Variants in ATXN2 observed in about 807,000 individuals in gnomAD.
ATXN2 encodes ataxin 2.
A neutral mutation model predicts 138.6 loss-of-function variants in ATXN2; 37 were observed. The ratio of observed to expected loss-of-function variants is 0.27; its 90% CI spans 0.21 to 0.35. The LOEUF is 0.35. Among genes scored for constraint, ATXN2 ranks in the 10% least tolerant of loss-of-function variants. The pLI is 1.00. For missense variants in ATXN2, 1,216 were observed against 1,480.3 expected (o/e 0.82, Z 2.93); for synonymous variants, 549 against 543.7 (o/e 1.01, Z -0.13).
intron 1 of ATXN2, among the ~76,000 whole-genome samples, chr12:111,591,322 C>T (rs1195570732): frequency 6.6e-6 from 1 of 151,930 alleles, no homozygotes; most frequent in Non-Finnish European, 1.5e-5. Context: ...GTATATATTA[C>T]GTTTCTATTT....
chr12:111,512,044 C>T (rs949786062), intron 11 of ATXN2: 2 of 151,762 alleles, frequency 1.3e-5, no homozygotes, highest in African/African-American at 4.8e-5. Flanking sequence ...GATCTTGGCT[C>T]ACTGCAACCT....
At chr12:111,461,548 A>C (rs1049527073) in intron 21 of ATXN2, among the ~76,000 whole-genome samples, 1 of 152,102 alleles carries the variant, frequency 6.6e-6, no homozygotes, top group Non-Finnish European at 1.5e-5. Flanking sequence ...CTTTAAATCA[A>C]TACTAGTAAC....
At chr12:111,475,870 T>C (rs1876779581) in intron 18 of ATXN2, among the ~76,000 whole-genome samples, 1 of 152,252 alleles carries the variant, frequency 6.6e-6, no homozygotes, top group Admixed American at 6.5e-5. Context: ...AAAAAGACAC[T>C]TGTTATATGA....
In ATXN2 at chr12:111,598,949, G is replaced by GGCTGCGGCTGCT. The variant is rs765255405; in HGVS notation, c.85_86insAGCAGCCGCAGC (p.Gln28_Pro29insGlnGlnProGln). ...GCGGACATTGGCAGCCGCGGGCGGC[G>GGCTGCGGCTGCT]GCTGCTGCTGCTGCTGCTGCTGCTG... is the stretch of plus-strand genomic sequence containing the variant. On this transcript the variant is annotated inframe_insertion, in exon 1 of 25. Coordinates refer to ENST00000673436, the MANE Select transcript of ATXN2 (RefSeq NM_001372574.1). This position sits in a 1 kb window ranked among gnomAD's most constrained non-coding sequence, Gnocchi z 4.5. 8 of 1,412,074 alleles carry GGCTGCGGCTGCT rather than the reference G, an allele frequency of 5.7e-6. No individual in the cohort carries two copies. The East Asian group carries it at 2.0e-4, about 36-fold the overall frequency. The allele number at this position is 1,412,074 out of a possible 1,614,324, so 87.5% of individuals were successfully genotyped here.
In ATXN2 at chr12:111,598,986, GC is replaced by G. The variant is rs1885104752; in HGVS notation, c.48del (p.Gln16HisfsTer30). On this transcript the variant is annotated frameshift_variant, in exon 1 of 25. Coordinates refer to ENST00000673436, the MANE Select transcript of ATXN2 (RefSeq NM_001372574.1). LOFTEE classifies it high-confidence loss of function. The surrounding 1 kb of genome is among the most constrained non-coding windows in gnomAD (Gnocchi z 4.5). ...TGCTGCTGCTGCTGCTGTTGCTGCT[GC>G]TGCTGCTGCTGCTGCTGCTGCTGCT... ...QQQQQQQQQQQQQQQQQQQQQ... is the reference protein window; with the variant it reads ...QQQQQQQQQQXQQQQQQQQQQ... 6.8e-7 allele frequency: 1 copy of G among 1,464,794 alleles called. No homozygotes were observed. Among genetic ancestry groups the G allele is most frequent in the Non-Finnish European group, 9.0e-7 (1 of 1,108,000 alleles). 90.7% of individuals were successfully genotyped at this position (1,464,794 alleles called of 1,614,324 possible).
chr12:111,570,869 C>G (rs987125715), intron 1 of ATXN2, among the ~76,000 whole-genome samples: 1 of 152,182 alleles, frequency 6.6e-6, no homozygotes, highest in Non-Finnish European at 1.5e-5. Context: ...AATGAATATA[C>G]AAACTTAATG....
At chr12:111,495,265 G>A (rs971964216) in intron 14 of ATXN2, among the ~76,000 whole-genome samples, 4 of 142,030 alleles carry the variant, frequency 2.8e-5, no homozygotes, top group African/African-American at 1.1e-4. Context: ...CTGAGATAGC[G>A]CCATTGCCCT....
At chr12:111,477,340 C>T (rs947043367) in intron 18 of ATXN2, among the ~76,000 whole-genome samples, 1 of 151,524 alleles carries the variant, frequency 6.6e-6, no homozygotes, top group South Asian at 2.1e-4. Context: ...GTAACAAGAT[C>T]GAGACTCTTG....
chr12:111,453,430 T>TGGC lies in ATXN2; in HGVS notation c.3439+246_3439+247insGCC. On this transcript the variant is annotated intron_variant, in intron 24 of 24. Coordinates refer to ENST00000673436, the MANE Select transcript of ATXN2 (RefSeq NM_001372574.1). The surrounding 1 kb of genome is among the most constrained non-coding windows in gnomAD (Gnocchi z 5.4). ...GTCCTAGGCATGCATCAGGCTGCTGTTGCTGCTGCTGCTGCTTCTCATCAA... is the reference window on the plus strand; with the variant it reads ...GTCCTAGGCATGCATCAGGCTGCTGTGGCTGCTGCTGCTGCTGCTTCTCATCAA... 8.0e-7 allele frequency: 1 copy of TGGC among 1,246,882 alleles called. No individual in the cohort carries two copies. The highest frequency in any genetic ancestry group is 1.0e-6 in the Non-Finnish European group (1 of 994,844). 77.2% of individuals were successfully genotyped at this position (1,246,882 alleles called of 1,614,324 possible).
chr12:111,482,738 G>A (rs566629531), intron 18 of ATXN2: 17 of 150,354 alleles, frequency 1.1e-4, no homozygotes, highest in Non-Finnish European at 2.1e-4. Context: ...TTTCTTCTCA[G>A]AATTTCTAAA....
At chr12:111,574,116 G>C (rs1321601459) in intron 1 of ATXN2, among the ~76,000 whole-genome samples, 1 of 151,440 alleles carries the variant, frequency 6.6e-6, no homozygotes, top group East Asian at 1.9e-4. Flanking sequence ...GGGATCTGTG[G>C]CTAACACAGT....
At chr12:111,545,841 T>C (rs1198280388) in intron 5 of ATXN2, among the ~76,000 whole-genome samples, 3 of 151,384 alleles carry the variant, frequency 2.0e-5, no homozygotes, top group Admixed American at 2.0e-4. Context: ...GATGTGCACA[T>C]ACAGTCCCAG....
At chr12:111,509,742 A>C in intron 13 of ATXN2, 123 bp from the exon 14 acceptor site, 1 of 945,648 alleles carries the variant, frequency 1.1e-6, no homozygotes, top group Admixed American at 2.8e-5. Flanking sequence ...TCAAATATTA[A>C]ATTTGGATTT....
At chr12:111,585,148 T>C (rs1884253478) in intron 1 of ATXN2, among the ~76,000 whole-genome samples, 1 of 152,160 alleles carries the variant, frequency 6.6e-6, no homozygotes, top group South Asian at 2.1e-4. Flanking sequence ...TATGAGCACA[T>C]TAACTAACTA....
chr12:111,552,387 G>A lies in ATXN2; in HGVS notation c.464C>T (p.Ser155Phe), dbSNP rs746354582. ...LDAAHEKSTE[S>F]SSGPKREEIM... Reference sequence around the variant, plus strand: ...TTCTTCACGTTTCGGCCCCGAACTGGATTCTGTACTTTTCTCATGTGCGGC... The same window carrying A: ...TTCTTCACGTTTCGGCCCCGAACTGAATTCTGTACTTTTCTCATGTGCGGC... Residue 155 changes from serine to phenylalanine, a missense_variant, in exon 5 of 25, where the codon TCC (serine) becomes TTC (phenylalanine). This residue lies in a region of ATXN2 where 401 missense variants were observed against 528.1 expected (regional missense o/e 0.76). Transcript: ENST00000673436. The surrounding 1 kb of genome is among the most constrained non-coding windows in gnomAD (Gnocchi z 4.1). The A allele has an allele frequency of 2.5e-6, 4 of 1,613,372 alleles. No homozygotes were observed. Among genetic ancestry groups the A allele is most frequent in the Non-Finnish European group, 2.5e-6 (3 of 1,179,846 alleles).
At chr12:111,575,506 A>G (rs1398567466) in intron 1 of ATXN2, among the ~76,000 whole-genome samples, 1 of 152,004 alleles carries the variant, frequency 6.6e-6, no homozygotes, top group Non-Finnish European at 1.5e-5. Flanking sequence ...TCTTCATCTA[A>G]AAGAACTCCT....
At chr12:111,473,858 A>G (rs1443583285) in intron 18 of ATXN2, among the ~76,000 whole-genome samples, 1 of 152,194 alleles carries the variant, frequency 6.6e-6, no homozygotes, top group East Asian at 1.9e-4. Context: ...AAATATCAAC[A>G]CAGGGATACA....
At chr12:111,546,872 G>T (rs1219596766) in intron 5 of ATXN2, among the ~76,000 whole-genome samples, 1 of 152,108 alleles carries the variant, frequency 6.6e-6, no homozygotes, top group Non-Finnish European at 1.5e-5. Context: ...TAATCTGATG[G>T]TCTCTTCTAA....
chr12:111,477,398 G>A (rs530305427), intron 18 of ATXN2, among the ~76,000 whole-genome samples: 3 of 151,910 alleles, frequency 2.0e-5, no homozygotes, highest in Non-Finnish European at 4.4e-5. Context: ...AACAGAGGCT[G>A]GTGCCAGAGA....
Sources: allele counts gnomAD v4.1 joint callset (sites outside exome capture counted in the v4.1 genomes callset), GRCh38; gene constraint gnomAD v4.1.1; regional missense constraint gnomAD v4.1.1; non-coding constraint Gnocchi (gnomAD v3.1); transcripts MANE v1.5; gene names NCBI Gene and HGNC (gene_info 2026-07-23, HGNC 2026-07-21).